Variants in SLC38A11 observed in about 807,000 individuals in gnomAD.
SLC38A11 encodes putative sodium-coupled neutral amino acid transporter 11.
SLC38A11 carries 51 observed loss-of-function variants against 49.4 expected under a neutral mutation model. The ratio of observed to expected loss-of-function variants is 1.03; its 90% CI spans 0.83 to 1.30. The LOEUF is 1.30. Ranked by LOEUF, SLC38A11 falls within the 50% of genes most tolerant of loss-of-function variation. The pLI is 0.00. For synonymous variants in SLC38A11, 203 were observed against 192.9 expected (o/e 1.05, Z -0.43); for missense variants, 574 against 556.2 (o/e 1.03, Z -0.32).
At chr2:164,950,471 TACA>T (rs1574018478) in intron 3 of SLC38A11, among the ~76,000 whole-genome samples, 1 of 152,158 alleles carries the variant, frequency 6.6e-6, no homozygotes, top group East Asian at 1.9e-4. Context: ...GCTTATAAAA[TACA>T]GGCTACAAAT....
At chr2:164,906,429 A>G (rs1038966844) in intron 11 of SLC38A11, among the ~76,000 whole-genome samples, 9 of 152,210 alleles carry the variant, frequency 5.9e-5, no homozygotes, top group African/African-American at 2.2e-4. Flanking sequence ...TCACCCATGC[A>G]ATAATTTCAG....
chr2:164,929,653 C>T (rs1305476237), intron 7 of SLC38A11, among the ~76,000 whole-genome samples: 1 of 152,046 alleles, frequency 6.6e-6, no homozygotes, highest in East Asian at 1.9e-4. Flanking sequence ...GCTCTTAAAT[C>T]CAAGCATACC....
chr2:164,915,275 T>G lies in SLC38A11; in HGVS notation c.689-2A>C, dbSNP rs1314525702. On this transcript the variant is annotated splice_acceptor_variant, in intron 8 of 11. Coordinates refer to ENST00000685975, the MANE Select transcript of SLC38A11 (RefSeq NM_001351537.2). LOFTEE classifies it high-confidence loss of function. Reference sequence around the variant, plus strand: ...AGGAGTTATGGTGGCAAATAAATGCTGCAATACAAAAAAAAAGAGCATTAT... The same window carrying G: ...AGGAGTTATGGTGGCAAATAAATGCGGCAATACAAAAAAAAAGAGCATTAT... 5 of 1,578,540 alleles carry G rather than the reference T, an allele frequency of 3.2e-6. No individual in the cohort carries two copies. Among genetic ancestry groups the G allele is most frequent in the Middle Eastern group, 1.7e-4 (1 of 5,866 alleles).
rs1381403865 is a variant in SLC38A11 at position 164,898,616 on chromosome 2, T to C, written c.1210A>G (p.Ile404Val). ...CCAAAAACCATCACCACAGCACCAA[T>C]GGGAAGCATGACACAAGACATAATC... ...DKIMSCVMLP[I>V]GAVVMVFGFV... Residue 404 changes from isoleucine (I) to valine (V), a missense_variant, in exon 12 of 12, where the codon ATT (isoleucine) becomes GTT (valine). Transcript: ENST00000685975. 2 of 1,613,570 alleles carry C rather than the reference T, an allele frequency of 1.2e-6. No homozygotes were observed. Among genetic ancestry groups the C allele is most frequent in the Admixed American group, 3.3e-5 (2 of 59,912 alleles).
chr2:164,954,533 CT>C (rs937826351), intron 2 of SLC38A11, 97 bp downstream of exon 2: 3 of 533,014 alleles, frequency 5.6e-6, no homozygotes, highest in Middle Eastern at 3.4e-4. Flanking sequence ...TTATTTAAGT[CT>C]TTTTTTCTTT....
At chr2:164,929,717 C>A (rs1686856817) in intron 7 of SLC38A11, among the ~76,000 whole-genome samples, 1 of 152,118 alleles carries the variant, frequency 6.6e-6, no homozygotes, top group Non-Finnish European at 1.5e-5. Context: ...TTCTCTTTTG[C>A]TTCAACCAGT....
chr2:164,946,010 G>T (rs1015950457), intron 3 of SLC38A11, among the ~76,000 whole-genome samples: 2 of 152,150 alleles, frequency 1.3e-5, no homozygotes, highest in African/African-American at 2.4e-5. Context: ...CAAACTGCCA[G>T]TGTTCCATTT....
intron 5 of SLC38A11, among the ~76,000 whole-genome samples, chr2:164,941,257 A>C (rs1687746794): frequency 6.6e-6 from 1 of 152,166 alleles, no homozygotes; most frequent in African/African-American, 2.4e-5. Context: ...GCATGTGAAC[A>C]TGCTATTTTT....
intron 7 of SLC38A11, among the ~76,000 whole-genome samples, chr2:164,928,783 T>C (rs772763522): frequency 1.2e-4 from 19 of 152,114 alleles, no homozygotes; most frequent in Non-Finnish European, 2.6e-4. Flanking sequence ...AAAATATAGG[T>C]TATCAGGCAT....
intron 11 of SLC38A11, among the ~76,000 whole-genome samples, chr2:164,901,230 G>A (rs1684631395): frequency 1.3e-5 from 2 of 152,036 alleles, no homozygotes; most frequent in Non-Finnish European, 2.9e-5. Flanking sequence ...AAATCAGAAA[G>A]TGTGATGCCT....
At chr2:164,950,626 T>G (rs961555233) in intron 3 of SLC38A11, among the ~76,000 whole-genome samples, 2 of 152,176 alleles carry the variant, frequency 1.3e-5, no homozygotes, top group African/African-American at 4.8e-5. Flanking sequence ...TTAAATAATT[T>G]TGTATGCTCA....
chr2:164,930,946 A>G (rs2390127), intron 7 of SLC38A11, among the ~76,000 whole-genome samples: 113,678 of 151,914 alleles, frequency 0.75, 42,923 homozygotes, highest in East Asian at 1. Context: ...CATGCAAATA[A>G]GTAGAGAGGA....
chr2:164,901,381 A>T (rs1050593953), intron 11 of SLC38A11, among the ~76,000 whole-genome samples: 3 of 152,118 alleles, frequency 2.0e-5, no homozygotes, highest in Non-Finnish European at 4.4e-5. Flanking sequence ...TTCCATCCAC[A>T]GGATATCTTT....
intron 5 of SLC38A11, among the ~76,000 whole-genome samples, chr2:164,943,790 G>C (rs1041914504): frequency 7.2e-5 from 11 of 152,122 alleles, no homozygotes; most frequent in African/African-American, 2.2e-4. Context: ...TTGTCATTCT[G>C]TATTTTGATT....
chr2:164,953,821 A>T (rs1014283222), intron 2 of SLC38A11, among the ~76,000 whole-genome samples: 2 of 152,284 alleles, frequency 1.3e-5, no homozygotes, highest in African/African-American at 4.8e-5. Flanking sequence ...CTCAAAAAGT[A>T]TTGCATTTTG....
chr2:164,944,594 G>A lies in SLC38A11; in HGVS notation c.405C>T (p.Ser135=). The part of the protein sequence containing the change: ...SYNIIAGDTL[S]KVFQRIPGVD... Reference sequence around the variant, plus strand: ...CTCCTGGGATTCTTTGAAAAACTTTGCTCAAAGTATCTCCAGCTATTATAT... The same window carrying A: ...CTCCTGGGATTCTTTGAAAAACTTTACTCAAAGTATCTCCAGCTATTATAT... Residue 135 remains serine, a synonymous_variant, in exon 5 of 12, where the codon AGC becomes AGT. Coordinates refer to ENST00000685975, the MANE Select transcript of SLC38A11 (RefSeq NM_001351537.2). 7.4e-7 allele frequency: 1 copy of A among 1,342,964 alleles called. No homozygotes were observed. Among genetic ancestry groups the A allele is most frequent in the South Asian group, 2.3e-5 (1 of 43,210 alleles). 83.2% of individuals were successfully genotyped at this position (1,342,964 alleles called of 1,614,324 possible). A position where few individuals can be genotyped will look rare whatever the true frequency, so the allele number is the denominator to read the frequency against.
chr2:164,900,340 A>G (rs12052851), intron 11 of SLC38A11, among the ~76,000 whole-genome samples: 121,811 of 151,902 alleles, frequency 0.8, 49,175 homozygotes, highest in Non-Finnish European at 0.85. Flanking sequence ...TGGGTCATAT[A>G]ATGGTTCTAT....
intron 8 of SLC38A11, chr2:164,915,498 G>A (rs2105463310): frequency 4.2e-6 from 2 of 476,102 alleles, no homozygotes; most frequent in East Asian, 6.5e-5. Flanking sequence ...ATATAAACCA[G>A]GCCAGTCCAA....
chr2:164,938,118 TA>T lies in SLC38A11; in HGVS notation c.538-690del, dbSNP rs2105498175. Among the ~76,000 whole-genome samples, 4 of 152,278 alleles carry T rather than the reference TA, an allele frequency of 2.6e-5. No individual in the cohort carries two copies. In the East Asian group the frequency reaches 7.7e-4, roughly 29 times the overall value. On this transcript the variant is annotated intron_variant, in intron 6 of 11. Coordinates refer to ENST00000685975, the MANE Select transcript of SLC38A11 (RefSeq NM_001351537.2). ...AATTTTTTTAAATGAAAAAGCACAT[TA>T]TGGATCCTTTCTCTGATAAGAAAAA...
Sources: gnomAD v4.1 joint callset for allele counts (sites outside exome capture counted in the v4.1 genomes callset) on GRCh38, gnomAD v4.1.1 for gene constraint, MANE v1.5 for transcripts, NCBI Gene and HGNC (gene_info 2026-07-23, HGNC 2026-07-21) for gene names.